The following PRSS23 variants were observed in gnomAD, a reference collection of about 807,000 sequenced individuals.
PRSS23 encodes the protein protease, serine 23.
PRSS23 carries 25 observed loss-of-function variants against 34.7 expected under a neutral mutation model. The ratio of observed to expected loss-of-function variants is 0.72; its 90% confidence interval spans 0.53 to 1.01. The LOEUF (loss-of-function observed/expected upper bound fraction) is 1.01. Among genes scored for constraint, PRSS23 ranks in the 50% least tolerant of loss-of-function variants. The pLI is 0.00. For synonymous variants in PRSS23, 176 were observed against 186.6 expected (o/e 0.94, Z 0.46); for missense variants, 445 against 475.6 (o/e 0.94, Z 0.60).
At chr11:86,803,381 A>T (rs1415153853) in intron 1 of PRSS23, among the ~76,000 whole-genome samples, 2 of 152,326 alleles carry the variant, frequency 1.3e-5, no homozygotes, top group African/African-American at 2.4e-5. Context: ...TTTTCATTAC[A>T]TCTGTTTATA....
chr11:86,853,962 C>T (rs970682211), intron 2 of PRSS23, among the ~76,000 whole-genome samples: 39 of 152,076 alleles, frequency 2.6e-4, no homozygotes, highest in African/African-American at 9.4e-4. Flanking sequence ...TTAAGATTAG[C>T]GATTTTGAAC....
intron 2 of PRSS23, among the ~76,000 whole-genome samples, chr11:86,893,359 G>T (rs1461097886): frequency 6.6e-6 from 1 of 152,154 alleles, no homozygotes; most frequent in African/African-American, 2.4e-5. Flanking sequence ...TGAATCCAAA[G>T]CTTCGCAAAT....
intron 2 of PRSS23, among the ~76,000 whole-genome samples, chr11:86,826,165 G>C (rs1257025188): frequency 6.6e-6 from 1 of 151,784 alleles, no homozygotes; most frequent in African/African-American, 2.4e-5. Context: ...TTGAGCAGTG[G>C]TTTGTAGTTC....
chr11:86,879,690 C>G (rs1334415613), intron 2 of PRSS23, among the ~76,000 whole-genome samples: 1 of 136,664 alleles, frequency 7.3e-6, no homozygotes, highest in East Asian at 2.3e-4. Flanking sequence ...GTCAGCCCCC[C>G]ACCCGGCCAG....
chr11:86,880,008 A>G (rs1948762058), intron 2 of PRSS23, among the ~76,000 whole-genome samples: 1 of 151,506 alleles, frequency 6.6e-6, no homozygotes, highest in African/African-American at 2.4e-5. Flanking sequence ...TAGAAAGGGG[A>G]GAAAGGCGGG....
At chr11:86,857,200 G>T in intron 2 of PRSS23, 1 of 324,910 alleles carries the variant, frequency 3.1e-6, no homozygotes. Flanking sequence ...TCCATTCCTG[G>T]GAGATGATGA....
At chr11:86,869,465 C>T (rs1327592423) in intron 2 of PRSS23, among the ~76,000 whole-genome samples, 6 of 152,120 alleles carry the variant, frequency 3.9e-5, no homozygotes, top group Non-Finnish European at 8.8e-5. Context: ...GCCCCGCCTT[C>T]AAGTTGCTCC....
chr11:86,887,134 T>C (rs528680923), intron 2 of PRSS23, among the ~76,000 whole-genome samples: 302 of 152,252 alleles, frequency 2.0e-3, no homozygotes, highest in African/African-American at 7.0e-3. Flanking sequence ...GAACTCAAGG[T>C]AGATATCAAA....
intron 2 of PRSS23, among the ~76,000 whole-genome samples, chr11:86,849,148 C>T (rs1240129756): frequency 1.3e-5 from 2 of 152,178 alleles, no homozygotes; most frequent in Non-Finnish European, 2.9e-5. Context: ...CCAGGAAGTA[C>T]ACTTCCTCCT....
chr11:86,827,860 A>G (rs551574033), intron 2 of PRSS23, among the ~76,000 whole-genome samples: 25 of 152,330 alleles, frequency 1.6e-4, no homozygotes, highest in African/African-American at 6.0e-4. Flanking sequence ...TCTGAGAGAC[A>G]GTTTGTAATA....
chr11:86,812,898 T>TGATTCC (rs1948190192), downstream of PRSS23, among the ~76,000 whole-genome samples: 1 of 152,104 alleles, frequency 6.6e-6, no homozygotes, highest in Non-Finnish European at 1.5e-5. Context: ...TTGGGCAGAC[T>TGATTCC]GATTCCACAG....
At chr11:86,891,395 A>G (rs752994181) in intron 2 of PRSS23, among the ~76,000 whole-genome samples, 194 of 152,240 alleles carry the variant, frequency 1.3e-3, no homozygotes, top group Non-Finnish European at 6.3e-4. Flanking sequence ...CTTATTTGCC[A>G]CAGGGTATTC....
At chr11:86,937,868 T>C (rs1051435171) in intron 2 of PRSS23, 4 of 152,224 alleles carry the variant, frequency 2.6e-5, no homozygotes, top group African/African-American at 7.2e-5. Context: ...AACCCTCTTT[T>C]GGGGTCTGGA....
chr11:86,916,694 C>G (rs939584992), intron 2 of PRSS23, among the ~76,000 whole-genome samples: 3 of 152,188 alleles, frequency 2.0e-5, no homozygotes, highest in Non-Finnish European at 4.4e-5. Context: ...GAGGTGCCCC[C>G]ACTCAGAATC....
chr11:86,920,938 G>A (rs777766064), intron 2 of PRSS23, among the ~76,000 whole-genome samples: 1 of 152,034 alleles, frequency 6.6e-6, no homozygotes, highest in Non-Finnish European at 1.5e-5. Flanking sequence ...CCCTCTCAGC[G>A]CCATTTGCTA....
intron 2 of PRSS23, among the ~76,000 whole-genome samples, chr11:86,901,422 G>T (rs1333952212): frequency 1.3e-5 from 2 of 152,046 alleles, no homozygotes; most frequent in Non-Finnish European, 2.9e-5. Flanking sequence ...GAGTAGAGGT[G>T]GCCTGTATAC....
intron 2 of PRSS23, among the ~76,000 whole-genome samples, chr11:86,878,111 T>C (rs1472800592): frequency 1.3e-5 from 2 of 152,208 alleles, no homozygotes; most frequent in Admixed American, 1.3e-4. Context: ...ATATTTGATA[T>C]TACTGCATCC....
intron 2 of PRSS23, among the ~76,000 whole-genome samples, chr11:86,890,373 T>C (rs1285154716): frequency 6.6e-6 from 1 of 152,202 alleles, no homozygotes; most frequent in Non-Finnish European, 1.5e-5. Context: ...TTTCTAGCCA[T>C]CTTTATGCCA....
At chr11:86,831,809 A>T (rs1163327999) in intron 2 of PRSS23, among the ~76,000 whole-genome samples, 1 of 151,950 alleles carries the variant, frequency 6.6e-6, no homozygotes, top group Non-Finnish European at 1.5e-5. Context: ...CTAGTGTCGC[A>T]GCGGGTATAC....
Sources: allele counts gnomAD v4.1 joint callset (sites outside exome capture counted in the v4.1 genomes callset), GRCh38; gene constraint gnomAD v4.1.1; transcripts MANE v1.5; gene names NCBI Gene and HGNC (gene_info 2026-07-23, HGNC 2026-07-21).